Variants in HOXC5 observed in about 807,000 individuals in gnomAD.
HOXC5 encodes homeobox C5.
Under a neutral mutation model 20.1 loss-of-function variants are expected in HOXC5, and 19 were observed. That is an observed-to-expected ratio of 0.94 (90% CI 0.66 to 1.38). The LOEUF (loss-of-function observed/expected upper bound fraction) is 1.38. Ranked by LOEUF, HOXC5 falls within the 40% of genes most tolerant of loss-of-function variation. The pLI is 0.00. For missense variants in HOXC5, 330 were observed against 300.1 expected (o/e 1.10, Z -0.74); for synonymous variants, 124 against 117.0 (o/e 1.06, Z -0.39).
chr12:54,025,014 G>A, the HOXC5 span, among the ~76,000 whole-genome samples: 1 of 152,134 alleles, frequency 6.6e-6, no homozygotes, highest in African/African-American at 2.4e-5. Context: ...GTGAAAATCT[G>A]CTCTTGACAC....
chr12:54,028,737 T>G, upstream of HOXC5: 2 of 1,614,160 alleles, frequency 1.2e-6, no homozygotes, highest in South Asian at 2.2e-5. Context: ...CGTATGACTA[T>G]GGATCTAATT....
upstream of HOXC5, chr12:54,030,138 C>CAA: frequency 1.7e-6 from 1 of 604,976 alleles, no homozygotes; most frequent in South Asian, 2.5e-5. Flanking sequence ...TCCCTCACCG[C>CAA]ACAACTCTCT....
At chr12:54,031,409 T>C (rs1056970695), upstream of HOXC5, among the ~76,000 whole-genome samples, 11 of 152,340 alleles carry the variant, frequency 7.2e-5, no homozygotes, top group Non-Finnish European at 2.9e-5. Flanking sequence ...GCCTGGAAAC[T>C]GAGCTCTCGC....
At chr12:54,025,447 T>C in the HOXC5 span, among the ~76,000 whole-genome samples, 1 of 149,580 alleles carries the variant, frequency 6.7e-6, no homozygotes, top group African/African-American at 2.4e-5. Context: ...GAGCGAATCC[T>C]TTCAGCAAAT....
Position 54,033,530 on chromosome 12 carries a change from C to G in HOXC5, c.408C>G (p.Ala136=), listed in dbSNP as rs1017717478. 2 of 1,593,856 alleles carry G rather than the reference C, an allele frequency of 1.3e-6. No homozygotes were observed. Among genetic ancestry groups the G allele is most frequent in the Non-Finnish European group, 1.7e-6 (2 of 1,173,764 alleles). The change falls in exon 1 of 2, where the codon GCC becomes GCG. Residue 136 remains alanine, a synonymous_variant. Transcript: ENST00000312492. ...GQPAGLSQPP[A]PPQIYPWMTK... is the part of the protein sequence containing the mutation. ...CCGCCGGACTGAGCCAGCCACCGGCCCCGCCACAGATTTACCCGTGGATGA... is the reference window on the plus strand; with the variant it reads ...CCGCCGGACTGAGCCAGCCACCGGCGCCGCCACAGATTTACCCGTGGATGA...
chr12:54,028,013 TGGGA>T, the HOXC5 span, among the ~76,000 whole-genome samples: 7 of 152,304 alleles, frequency 4.6e-5, no homozygotes, highest in South Asian at 1.4e-3. Context: ...CCTCCTGTGC[TGGGA>T]GGGAGTTCTT....
chr12:54,034,325 C>T lies in HOXC5; in HGVS notation c.502C>T (p.Leu168=), dbSNP rs1055655059. The T allele has an allele frequency of 6.2e-7, 1 of 1,614,220 alleles. No homozygotes were observed. The highest frequency in any genetic ancestry group is 8.5e-7 in the Non-Finnish European group (1 of 1,180,046). ...AACCAGTTACACGCGCTACCAGACTCTGGAACTCGAGAAAGAATTCCACTT... is the reference window on the plus strand; with the variant it reads ...AACCAGTTACACGCGCTACCAGACTTTGGAACTCGAGAAAGAATTCCACTT... ...SRTSYTRYQT[L]ELEKEFHFNR... Residue 168 remains leucine (L), a synonymous_variant, in exon 2 of 2, where the codon CTG becomes TTG. Coordinates refer to ENST00000312492, the MANE Select transcript of HOXC5 (RefSeq NM_018953.4).
At chr12:54,034,041 C>G in intron 1 of HOXC5, 1 of 697,292 alleles carries the variant, frequency 1.4e-6, no homozygotes, top group Admixed American at 2.0e-5. Context: ...TCCCCCCAAC[C>G]CCCCCTCAGC....
At chr12:54,019,546 G>T in the HOXC5 span, among the ~76,000 whole-genome samples, 2 of 152,220 alleles carry the variant, frequency 1.3e-5, no homozygotes, top group South Asian at 4.1e-4. Flanking sequence ...GTCCGCCCCC[G>T]CCCCTGTGGA....
chr12:54,016,903 C>T, the HOXC5 span: 1 of 152,244 alleles, frequency 6.6e-6, no homozygotes, highest in African/African-American at 2.4e-5. Context: ...ACAGTCCTCC[C>T]TGTAAGAGCC....
At position 54,033,094 on chromosome 12, in the gene HOXC5, T is replaced by C. The variant is rs1941048762; in HGVS notation, c.-29T>C. 1 of 1,579,754 alleles carries C rather than the reference T, an allele frequency of 6.3e-7. No homozygotes were observed. The highest frequency in any genetic ancestry group is 1.4e-5 in the African/African-American group (1 of 73,780). On this transcript the variant is annotated 5_prime_UTR_variant, in exon 1 of 2. Coordinates refer to ENST00000312492, the MANE Select transcript of HOXC5 (RefSeq NM_018953.4). ...ACAAATCACCCTTAATCAAAAAGGG[T>C]GCAGAAATTTTTTTGGGCCCTCCCC...
At chr12:54,032,779 C>G (rs150750843), upstream of HOXC5, 608 of 173,040 alleles carry the variant, frequency 3.5e-3, 3 homozygotes, top group Non-Finnish European at 4.9e-3. Flanking sequence ...TCCCGGCTAC[C>G]CCCAATTCCA....
At chr12:54,032,432 C>T (rs887288163), upstream of HOXC5, among the ~76,000 whole-genome samples, 1 of 152,232 alleles carries the variant, frequency 6.6e-6, no homozygotes, top group South Asian at 2.1e-4. Flanking sequence ...GGACTTCTAC[C>T]TTTGGTTTAG....
chr12:54,028,405 T>C (rs1307408535), upstream of HOXC5: 12 of 1,180,572 alleles, frequency 1.0e-5, no homozygotes, highest in African/African-American at 1.5e-5. Context: ...CAGCTGACTT[T>C]GTCATTTTGT....
chr12:54,018,005 C>T, the HOXC5 span, among the ~76,000 whole-genome samples: 4 of 152,222 alleles, frequency 2.6e-5, no homozygotes, highest in African/African-American at 4.8e-5. Flanking sequence ...AGCTAGGCGG[C>T]CGGCGGGGCC....
In HOXC5 at chr12:54,034,339, A is replaced by G; in HGVS notation, c.516A>G (p.Lys172=). The part of the protein sequence containing the change: ...YTRYQTLELE[K]EFHFNRYLTR... ...GCTACCAGACTCTGGAACTCGAGAA[A>G]GAATTCCACTTTAACCGCTACCTCA... The change falls in exon 2 of 2, where the codon AAA becomes AAG. Residue 172 remains lysine, a synonymous_variant. Coordinates refer to ENST00000312492, the MANE Select transcript of HOXC5 (RefSeq NM_018953.4). 1.2e-6 allele frequency: 2 copies of G among 1,614,234 alleles called. No individual in the cohort carries two copies. The highest frequency in any genetic ancestry group is 1.7e-6 in the Non-Finnish European group (2 of 1,180,044).
chr12:54,031,009 G>A (rs906539999), upstream of HOXC5, among the ~76,000 whole-genome samples: 4 of 152,366 alleles, frequency 2.6e-5, no homozygotes, highest in Non-Finnish European at 5.9e-5. Context: ...GGGCTGGGAG[G>A]CCTCTCTGGG....
chr12:54,028,264 TATA>T (rs1434578411), upstream of HOXC5: 6 of 72,028 alleles, frequency 8.3e-5, no homozygotes, highest in African/African-American at 1.9e-4. Context: ...TATATATATA[TATA>T]TTTTTTAAAA....
At chr12:54,026,551 T>A in the HOXC5 span, among the ~76,000 whole-genome samples, 1 of 152,206 alleles carries the variant, frequency 6.6e-6, no homozygotes, top group African/African-American at 2.4e-5. Flanking sequence ...GGAGGAACCT[T>A]TATAATTATA....
Sources: gnomAD v4.1 joint callset for allele counts (sites outside exome capture counted in the v4.1 genomes callset) on GRCh38, gnomAD v4.1.1 for gene constraint, MANE v1.5 for transcripts, NCBI Gene and HGNC (gene_info 2026-07-23, HGNC 2026-07-21) for gene names.